The following SCAPER variants were observed in gnomAD, a reference collection of about 807,000 sequenced individuals.
SCAPER encodes S-phase cyclin A associated protein in the ER, also known as S phase cyclin A-associated protein in the endoplasmic reticulum.
A neutral mutation model predicts 182.2 loss-of-function variants in SCAPER; 98 were observed. The observed-to-expected ratio is 0.54, with a 90% confidence interval of 0.46 to 0.64. SCAPER has a LOEUF of 0.64. Ranked by LOEUF, SCAPER falls within the 30% of genes least tolerant of loss-of-function variation. SCAPER has a pLI of 0.00. For missense variants in SCAPER, 1,432 were observed against 1,690.0 expected (o/e 0.85, Z 2.68); for synonymous variants, 605 against 564.6 (o/e 1.07, Z -1.01).
chr15:76,525,727 T>C (rs981308537), intron 23 of SCAPER, among the ~76,000 whole-genome samples: 5 of 152,238 alleles, frequency 3.3e-5, no homozygotes, highest in African/African-American at 1.2e-4. Flanking sequence ...CAATGGTGTA[T>C]ATATACCACA....
chr15:76,853,664 C>T (rs1330699277), intron 4 of SCAPER, among the ~76,000 whole-genome samples: 2 of 152,004 alleles, frequency 1.3e-5, no homozygotes, highest in East Asian at 3.9e-4. Context: ...AAGGAACATA[C>T]CTCAAAATAA....
chr15:76,479,187 C>T (rs1249938271), intron 24 of SCAPER, among the ~76,000 whole-genome samples: 7 of 152,012 alleles, frequency 4.6e-5, no homozygotes, highest in East Asian at 1.9e-4. Context: ...AGGAGGGAAC[C>T]GAAAAACTCA....
intron 23 of SCAPER, among the ~76,000 whole-genome samples, chr15:76,558,356 A>T (rs752196065): frequency 1.3e-5 from 2 of 152,214 alleles, no homozygotes; most frequent in Non-Finnish European, 2.9e-5. Flanking sequence ...CTCTAAAAGG[A>T]TAACATATAT....
chr15:76,644,554 C>T (rs1450268519), intron 21 of SCAPER, among the ~76,000 whole-genome samples: 3 of 151,558 alleles, frequency 2.0e-5, no homozygotes, highest in Admixed American at 6.6e-5. Flanking sequence ...ACATACAGTA[C>T]ACTCTTGAGT....
At chr15:76,646,624 T>C (rs2054570403) in intron 21 of SCAPER, among the ~76,000 whole-genome samples, 1 of 152,206 alleles carries the variant, frequency 6.6e-6, no homozygotes, top group Non-Finnish European at 1.5e-5. Flanking sequence ...TTAGTCCTCT[T>C]TGCCAAACTA....
At chr15:76,904,074 T>C (rs1290290808) in intron 1 of SCAPER, among the ~76,000 whole-genome samples, 1 of 152,194 alleles carries the variant, frequency 6.6e-6, no homozygotes, top group African/African-American at 2.4e-5. Flanking sequence ...ATAAATCATC[T>C]GCAACCAACA....
intron 21 of SCAPER, among the ~76,000 whole-genome samples, chr15:76,656,387 T>C (rs1362226366): frequency 6.6e-6 from 1 of 152,120 alleles, no homozygotes; most frequent in Admixed American, 6.5e-5. Flanking sequence ...CAGGAGCACA[T>C]AGATTCATAA....
chr15:76,736,223 T>C (rs1199771288), intron 15 of SCAPER, among the ~76,000 whole-genome samples: 1 of 152,242 alleles, frequency 6.6e-6, no homozygotes, highest in Non-Finnish European at 1.5e-5. Flanking sequence ...AAACACTTTT[T>C]CTAAAAAATG....
At chr15:76,612,397 T>C (rs12898810) in intron 22 of SCAPER, among the ~76,000 whole-genome samples, 40,378 of 152,034 alleles carry the variant, frequency 0.27, 6,278 homozygotes, top group East Asian at 0.55. Flanking sequence ...CCACCATGTC[T>C]GGCTAATTTT....
At chr15:76,862,962 A>C (rs567700418) in intron 2 of SCAPER, among the ~76,000 whole-genome samples, 67 of 152,350 alleles carry the variant, frequency 4.4e-4, no homozygotes, top group Non-Finnish European at 5.9e-4. Flanking sequence ...GCGCTAAAGT[A>C]AGTCAACATT....
chr15:76,896,007 T>C (rs962167481), intron 1 of SCAPER, among the ~76,000 whole-genome samples: 2 of 148,342 alleles, frequency 1.3e-5, no homozygotes, highest in African/African-American at 5.0e-5. Flanking sequence ...ACCACTGCAC[T>C]CCAGCCTGGG....
At chr15:76,352,854 A>G (rs900103357) in intron 30 of SCAPER, among the ~76,000 whole-genome samples, 14 of 152,266 alleles carry the variant, frequency 9.2e-5, no homozygotes, top group African/African-American at 3.4e-4. Context: ...TTAAGATATT[A>G]ACTATAAGAC....
intron 23 of SCAPER, among the ~76,000 whole-genome samples, chr15:76,530,389 T>C (rs554932164): frequency 2.0e-5 from 3 of 152,344 alleles, no homozygotes; most frequent in Admixed American, 6.5e-5. Context: ...TTTTTGATTA[T>C]TGTACCCTTT....
At chr15:76,547,389 A>C (rs2045384078) in intron 23 of SCAPER, among the ~76,000 whole-genome samples, 1 of 152,078 alleles carries the variant, frequency 6.6e-6, no homozygotes, top group Non-Finnish European at 1.5e-5. Context: ...ATACTTTTTA[A>C]TATATTTGTA....
At chr15:76,623,263 T>C (rs2052265110) in intron 21 of SCAPER, among the ~76,000 whole-genome samples, 1 of 152,186 alleles carries the variant, frequency 6.6e-6, no homozygotes, top group South Asian at 2.1e-4. Flanking sequence ...GTCCCACTTG[T>C]CAGTTTTTGT....
chr15:76,411,425 CCCTT>C (rs1463846839), intron 26 of SCAPER, among the ~76,000 whole-genome samples: 1 of 152,074 alleles, frequency 6.6e-6, no homozygotes, highest in Non-Finnish European at 1.5e-5. Flanking sequence ...ACTCAAAAAT[CCCTT>C]CCCCGCCCAA....
At position 76,801,174 on chromosome 15, in the gene SCAPER, T is replaced by C. The variant is rs113404666; in HGVS notation, c.495-810A>G. Among the ~76,000 whole-genome samples, 965 of 152,358 alleles carry C rather than the reference T, an allele frequency of 6.3e-3. 12 individuals carry two copies. Among genetic ancestry groups the C allele is most frequent in the African/African-American group, 0.022 (929 of 41,580 alleles). On this transcript the variant is annotated intron_variant, in intron 6 of 31. Coordinates refer to ENST00000563290, the MANE Select transcript of SCAPER (RefSeq NM_020843.4). Reference sequence around the variant, plus strand: ...TGAATTTCTTCATTTGCGATTCACATGTTGGTATCTTTCCTTCATTTTTTC... The same window carrying C: ...TGAATTTCTTCATTTGCGATTCACACGTTGGTATCTTTCCTTCATTTTTTC...
At chr15:76,413,840 C>T (rs2045471479) in intron 26 of SCAPER, among the ~76,000 whole-genome samples, 1 of 152,148 alleles carries the variant, frequency 6.6e-6, no homozygotes, top group Non-Finnish European at 1.5e-5. Context: ...ACATAAAGTT[C>T]AAATTGCTTG....
At position 76,800,274 on chromosome 15, in the gene SCAPER, T is replaced by C. The variant is rs2065674635; in HGVS notation, c.585A>G (p.Ser195=). 1 of 1,612,590 alleles carries C rather than the reference T, an allele frequency of 6.2e-7. No homozygotes were observed. The highest frequency in any genetic ancestry group is 8.5e-7 in the Non-Finnish European group (1 of 1,179,128). The stretch of plus-strand genomic sequence containing the variant: ...CAAAATTTAAGCTTCGTCGAGCATT[T>C]GATGTTACATTTATTCTATCTGTTG... ...SPSTDRINVT[S]NARRSLNFGG... is the part of the protein sequence containing the mutation. The change falls in exon 7 of 32, where the codon TCA becomes TCG. Residue 195 remains serine (S), a synonymous_variant. Transcript: ENST00000563290.
Sources: gnomAD v4.1 joint callset for allele counts (sites outside exome capture counted in the v4.1 genomes callset) on GRCh38, gnomAD v4.1.1 for gene constraint, MANE v1.5 for transcripts, NCBI Gene and HGNC (gene_info 2026-07-23, HGNC 2026-07-21) for gene names.